PARP8: variants seen among roughly 807,000 people sequenced by gnomAD.
PARP8 encodes the protein protein mono-ADP-ribosyltransferase PARP8.
PARP8 carries 51 observed loss-of-function variants against 124.1 expected under a neutral mutation model. The observed-to-expected ratio is 0.41, with a 90% confidence interval of 0.33 to 0.52. The LOEUF is 0.52. Among genes scored for constraint, PARP8 ranks in the 20% least tolerant of loss-of-function variants. PARP8 has a pLI of 0.21. For synonymous variants in PARP8, 391 were observed against 361.5 expected, an observed-to-expected ratio of 1.08 and a Z score of -0.93; for missense variants, 860 against 1,018.9, an observed-to-expected ratio of 0.84 and a Z score of 2.12.
chr5:50,800,313 T>C (rs1178625853), intron 14 of PARP8, among the ~76,000 whole-genome samples: 1 of 152,236 alleles, frequency 6.6e-6, no homozygotes, highest in Non-Finnish European at 1.5e-5. Context: ...ACTTATTTGT[T>C]AGCTCTATTA....
At chr5:50,814,111 A>G (rs539096565) in intron 14 of PARP8, among the ~76,000 whole-genome samples, 1 of 152,094 alleles carries the variant, frequency 6.6e-6, no homozygotes, top group Middle Eastern at 3.2e-3. Flanking sequence ...ATTCTTGTTT[A>G]TGTACTGTTT....
intron 14 of PARP8, 98 bp downstream of exon 14, chr5:50,797,331 C>A (rs543562148): frequency 3.0e-5 from 25 of 824,750 alleles, no homozygotes; most frequent in Non-Finnish European, 4.4e-5. Context: ...CAGTTGAAAG[C>A]AAATACTCTT....
At chr5:50,696,685 C>T (rs1305118316) in intron 2 of PARP8, among the ~76,000 whole-genome samples, 1 of 152,104 alleles carries the variant, frequency 6.6e-6, no homozygotes, top group Non-Finnish European at 1.5e-5. Context: ...ACTTAACTGA[C>T]ATCACTTTCT....
intron 2 of PARP8, among the ~76,000 whole-genome samples, chr5:50,707,749 G>A (rs1754311023): frequency 6.6e-6 from 1 of 151,966 alleles, no homozygotes. Context: ...AAAAATTTAT[G>A]TATTTCTTCA....
intron 14 of PARP8, among the ~76,000 whole-genome samples, chr5:50,805,355 A>C (rs1360654713): frequency 6.6e-6 from 1 of 152,046 alleles, no homozygotes; most frequent in Non-Finnish European, 1.5e-5. Context: ...TATTTGGCCT[A>C]TTATTTTTTT....
intron 14 of PARP8, among the ~76,000 whole-genome samples, chr5:50,801,279 A>G (rs1345360578): frequency 1.3e-5 from 2 of 151,896 alleles, no homozygotes; most frequent in African/African-American, 4.8e-5. Flanking sequence ...TTGTGTTTTT[A>G]TTAGAGACGG....
At chr5:50,820,273 G>A (rs1745608412) in intron 15 of PARP8, among the ~76,000 whole-genome samples, 3 of 152,160 alleles carry the variant, frequency 2.0e-5, no homozygotes, top group Non-Finnish European at 4.4e-5. Context: ...TTTTTTAAAT[G>A]CCTGTCTAAA....
intron 2 of PARP8, among the ~76,000 whole-genome samples, chr5:50,674,997 A>G (rs113309337): frequency 0.015 from 2,246 of 152,366 alleles, 58 homozygotes; most frequent in African/African-American, 0.052. Context: ...ATTAATAACC[A>G]CAATGACAAA....
intron 15 of PARP8, among the ~76,000 whole-genome samples, chr5:50,818,180 C>T (rs924420357): frequency 7.5e-6 from 1 of 132,580 alleles, no homozygotes; most frequent in South Asian, 2.7e-4. Flanking sequence ...CATTTAGCCC[C>T]CCCCCCCCCA....
Position 50,826,804 on chromosome 5 carries a change from G to A in PARP8, c.1977+1G>A. 6.3e-7 allele frequency: 1 copy of A among 1,576,058 alleles called. No homozygotes were observed. Among genetic ancestry groups the A allele is most frequent in the Non-Finnish European group, 8.5e-7 (1 of 1,169,834 alleles). Reference sequence around the variant, plus strand: ...TATTGTGAAACTGCCAGTTAACAGGGTAAGTTGTTTTTTTTTTTTTTACAT... The same window carrying A: ...TATTGTGAAACTGCCAGTTAACAGGATAAGTTGTTTTTTTTTTTTTTACAT... On this transcript the variant is annotated splice_donor_variant, in intron 19 of 25. Transcript: ENST00000281631. LOFTEE classifies it high-confidence loss of function.
At position 50,788,577 on chromosome 5, in the gene PARP8, A is replaced by T. The variant is rs201065713; in HGVS notation, c.725A>T (p.His242Leu). The T allele has an allele frequency of 6.2e-7, 1 of 1,612,664 alleles. No individual in the cohort carries two copies. The highest frequency in any genetic ancestry group is 8.5e-7 in the Non-Finnish European group (1 of 1,179,108). The change falls in exon 10 of 26, where the codon CAT (histidine) becomes CTT (leucine). Residue 242 changes from histidine (H) to leucine (L), a missense_variant. Coordinates refer to ENST00000281631, the MANE Select transcript of PARP8 (RefSeq NM_024615.4). ...ISTKERFGLG[H>L]QLKKIMQTFV... ...ACAAAAGAGCGATTTGGATTGGGAC[A>T]TCAGCTGAAAAAGTAAGTTTGCTAA...
chr5:50,750,436 G>T (rs1759115337), intron 3 of PARP8, among the ~76,000 whole-genome samples: 1 of 152,004 alleles, frequency 6.6e-6, no homozygotes, highest in South Asian at 2.1e-4. Flanking sequence ...TCCAGCCTGT[G>T]CATTTACATC....
intron 9 of PARP8, 51 bp from the exon 10 acceptor site, chr5:50,788,472 T>G: frequency 5.2e-6 from 8 of 1,532,468 alleles, no homozygotes; most frequent in African/African-American, 1.4e-5. Flanking sequence ...GGCTGATGGT[T>G]GAGTTTCAGT....
intron 21 of PARP8, among the ~76,000 whole-genome samples, chr5:50,829,540 T>G (rs1047710607): frequency 1.3e-5 from 2 of 152,192 alleles, no homozygotes; most frequent in African/African-American, 4.8e-5. Flanking sequence ...ACGCTTTGTT[T>G]ATACACTAAC....
chr5:50,786,555 A>G (rs1338597362), intron 9 of PARP8, among the ~76,000 whole-genome samples: 2 of 149,902 alleles, frequency 1.3e-5, no homozygotes, highest in Non-Finnish European at 1.5e-5. Context: ...TTAAATAGAG[A>G]TGGAGTCTCT....
In PARP8 at chr5:50,759,650, A is replaced by G. The variant is rs766274828; in HGVS notation, c.192A>G (p.Thr64=). 28 of 1,542,092 alleles carry G rather than the reference A, an allele frequency of 1.8e-5. No individual in the cohort carries two copies. The African/African-American group carries it at 2.6e-4, about 14-fold the overall frequency. Residue 64 remains threonine (T), a synonymous_variant, in exon 4 of 26, where the codon ACA becomes ACG. Transcript: ENST00000281631. ...TTTTTTTTTTTTTTGCAGATAATAC[A>G]TATGTGTCAAGTTCAGAGAATGATG... ...VHVSEDYPDN[T]YVSSSENDED...
At chr5:50,696,064 T>C (rs1752991828) in intron 2 of PARP8, among the ~76,000 whole-genome samples, 2 of 152,064 alleles carry the variant, frequency 1.3e-5, no homozygotes, top group Admixed American at 1.3e-4. Flanking sequence ...AAGGAGAGAG[T>C]AAAGATTTTG....
At chr5:50,727,202 T>C (rs927347191) in intron 2 of PARP8, among the ~76,000 whole-genome samples, 1 of 152,124 alleles carries the variant, frequency 6.6e-6, no homozygotes, top group African/African-American at 2.4e-5. Flanking sequence ...ATGACTTCCT[T>C]TACCCTTCTT....
intron 2 of PARP8, among the ~76,000 whole-genome samples, chr5:50,692,127 A>G (rs144272773): frequency 1.4e-3 from 216 of 152,188 alleles, no homozygotes; most frequent in Non-Finnish European, 2.3e-3. Flanking sequence ...TCTTTATTGA[A>G]TATAAATCTG....
Sources: allele counts gnomAD v4.1 joint callset (sites outside exome capture counted in the v4.1 genomes callset), GRCh38; gene constraint gnomAD v4.1.1; transcripts MANE v1.5; gene names NCBI Gene and HGNC (gene_info 2026-07-23, HGNC 2026-07-21).